Variants in ROBO1 observed in about 807,000 individuals in gnomAD.
The protein encoded by ROBO1 is roundabout homolog 1.
In ROBO1, 149 loss-of-function variants were observed where a neutral mutation model predicts 195.9. The ratio of observed to expected loss-of-function variants is 0.76; its 90% CI spans 0.67 to 0.87. The LOEUF (loss-of-function observed/expected upper bound fraction) is 0.87, where lower values mean the gene tolerates loss of function less well. Ranked by LOEUF, ROBO1 falls within the 40% of genes least tolerant of loss-of-function variation. ROBO1 has a pLI of 0.00. For synonymous variants in ROBO1, 816 were observed against 733.2 expected (o/e 1.11, Z -1.82); for missense variants, 1,933 against 2,068.3 (o/e 0.93, Z 1.27).
chr3:79,038,901 G>C (rs2078430647), intron 3 of ROBO1, among the ~76,000 whole-genome samples: 1 of 152,118 alleles, frequency 6.6e-6, no homozygotes, highest in Admixed American at 6.5e-5. Context: ...AGCAGAAAAG[G>C]CTGTATTCTC....
chr3:79,458,835 A>G (rs946083961), intron 2 of ROBO1, among the ~76,000 whole-genome samples: 2 of 152,258 alleles, frequency 1.3e-5, no homozygotes, highest in South Asian at 2.1e-4. Context: ...AATGACCCCA[A>G]TAGAAACCAG....
At chr3:79,360,810 C>T (rs536175188) in intron 2 of ROBO1, among the ~76,000 whole-genome samples, 22 of 152,068 alleles carry the variant, frequency 1.4e-4, no homozygotes, top group Non-Finnish European at 2.7e-4. Flanking sequence ...AGCCAGGGTG[C>T]GGAACACTTA....
chr3:79,111,106 A>G (rs1253419851), intron 3 of ROBO1, among the ~76,000 whole-genome samples: 1 of 152,174 alleles, frequency 6.6e-6, no homozygotes, highest in Non-Finnish European at 1.5e-5. Context: ...TGGGTGGGCT[A>G]CCTGCTTCTG....
chr3:79,720,034 A>T (rs1427768390), intron 1 of ROBO1, among the ~76,000 whole-genome samples: 1 of 152,238 alleles, frequency 6.6e-6, no homozygotes, highest in African/African-American at 2.4e-5. Context: ...GTATCACATC[A>T]TCACAAAGTT....
rs72892196 is a variant in ROBO1 at position 79,649,631 on chromosome 3, A to C, written c.-50-59670T>G. Reference sequence around the variant, plus strand: ...TTGAATTAATGTGATATCTAATTATAGGTGTCAACTTGAATGGATGAAGGA... The same window carrying C: ...TTGAATTAATGTGATATCTAATTATCGGTGTCAACTTGAATGGATGAAGGA... On this transcript the variant is annotated intron_variant, in intron 1 of 30. Transcript: ENST00000464233. Among the ~76,000 whole-genome samples the C allele has an allele frequency of 6.6e-3, 998 of 152,204 alleles. 8 individuals carry two copies. The highest frequency in any genetic ancestry group is 0.023 in the African/African-American group (940 of 41,550).
At chr3:79,345,181 C>T (rs1342789667) in intron 2 of ROBO1, among the ~76,000 whole-genome samples, 1 of 152,162 alleles carries the variant, frequency 6.6e-6, no homozygotes, top group African/African-American at 2.4e-5. Context: ...CAACTGGGTA[C>T]ATTTCAGTGT....
intron 3 of ROBO1, chr3:79,018,932 G>C: frequency 1.0e-6 from 1 of 987,978 alleles, no homozygotes; most frequent in Non-Finnish European, 1.2e-6. Flanking sequence ...GGCGAGCCCA[G>C]TCAGCAGCGG....
intron 5 of ROBO1, among the ~76,000 whole-genome samples, chr3:78,736,455 T>C (rs1247448552): frequency 2.0e-5 from 3 of 151,932 alleles, no homozygotes; most frequent in Non-Finnish European, 4.4e-5. Flanking sequence ...GGTATTTGGG[T>C]GGGATTTTGC....
In ROBO1 at chr3:79,038,000, TTTAAAAATTAGATTTAAA is replaced by T. The variant is rs1576598138; in HGVS notation, c.172+87438_172+87455del. On this transcript the variant is annotated intron_variant, in intron 3 of 30. Coordinates refer to ENST00000464233, the MANE Select transcript of ROBO1 (RefSeq NM_002941.4). The stretch of plus-strand genomic sequence containing the variant: ...TTCATTATGATCCAAGAAAGATTTT[TTTAAAAATTAGATTTAAA>T]CTCATCTGAAGCAAGAAAGTGCCAT... 3.3e-5 allele frequency among the ~76,000 whole-genome samples: 5 copies of T among 152,306 alleles called. No individual in the cohort carries two copies. In the East Asian group the frequency reaches 9.7e-4, roughly 29 times the overall value.
At chr3:78,721,129 C>G (rs370748895) in intron 5 of ROBO1, among the ~76,000 whole-genome samples, 2 of 151,924 alleles carry the variant, frequency 1.3e-5, no homozygotes, top group Non-Finnish European at 2.9e-5. Context: ...TTTGGCTATA[C>G]GAGTTGTACA....
At chr3:78,935,364 G>A (rs1374335097) in intron 4 of ROBO1, among the ~76,000 whole-genome samples, 1 of 152,028 alleles carries the variant, frequency 6.6e-6, no homozygotes, top group African/African-American at 2.4e-5. Flanking sequence ...CTTAGCAGAT[G>A]ATGTAGAGAG....
chr3:79,225,119 AT>A (rs2082202492), intron 2 of ROBO1, among the ~76,000 whole-genome samples: 1 of 152,038 alleles, frequency 6.6e-6, no homozygotes, highest in African/African-American at 2.4e-5. Context: ...CTTTTATGGT[AT>A]TTTTTTCAGA....
At chr3:79,735,024 C>T (rs1703318025) in intron 1 of ROBO1, among the ~76,000 whole-genome samples, 1 of 152,170 alleles carries the variant, frequency 6.6e-6, no homozygotes, top group African/African-American at 2.4e-5. Context: ...AATCCATTTT[C>T]TAATGATACA....
intron 4 of ROBO1, among the ~76,000 whole-genome samples, chr3:78,894,712 G>A (rs2037127585): frequency 1.3e-5 from 2 of 152,146 alleles, no homozygotes; most frequent in African/African-American, 4.8e-5. Context: ...CCCAAAATAA[G>A]AATCCGTGCT....
chr3:79,658,113 TTTGA>T (rs1337480531), intron 1 of ROBO1, among the ~76,000 whole-genome samples: 2 of 152,128 alleles, frequency 1.3e-5, no homozygotes, highest in African/African-American at 4.8e-5. Context: ...ATTTACTTTC[TTTGA>T]TTGAAAAGGA....
chr3:79,227,919 G>A (rs1484464113), intron 2 of ROBO1, among the ~76,000 whole-genome samples: 2 of 152,080 alleles, frequency 1.3e-5, no homozygotes, highest in East Asian at 1.9e-4. Flanking sequence ...ATGGGAAACC[G>A]GAAATGTCAT....
At chr3:79,426,900 GATT>G (rs1187851935) in intron 2 of ROBO1, among the ~76,000 whole-genome samples, 5 of 152,032 alleles carry the variant, frequency 3.3e-5, no homozygotes, top group Non-Finnish European at 5.9e-5. Context: ...AAAATTACCA[GATT>G]ATTTATTGTC....
chr3:79,615,619 T>C (rs1471588248), intron 1 of ROBO1, among the ~76,000 whole-genome samples: 1 of 152,014 alleles, frequency 6.6e-6, no homozygotes, highest in Non-Finnish European at 1.5e-5. Context: ...AAGAACAAAA[T>C]ATGAGGATTC....
intron 2 of ROBO1, among the ~76,000 whole-genome samples, chr3:79,343,898 T>C (rs746319041): frequency 6.6e-6 from 1 of 152,156 alleles, no homozygotes; most frequent in Non-Finnish European, 1.5e-5. Context: ...TAAGACCTAG[T>C]TGTTTGTTTC....
Sources: allele counts gnomAD v4.1 joint callset (sites outside exome capture counted in the v4.1 genomes callset), GRCh38; gene constraint gnomAD v4.1.1; transcripts MANE v1.5; gene names NCBI Gene and HGNC (gene_info 2026-07-23, HGNC 2026-07-21).